The following IMPG2 variants were observed in gnomAD, a reference collection of about 807,000 sequenced individuals.
IMPG2 encodes the protein interphotoreceptor matrix proteoglycan 2.
In IMPG2, 91 loss-of-function variants were observed where a neutral mutation model predicts 129.2. The ratio of observed to expected loss-of-function variants is 0.70; its 90% CI spans 0.59 to 0.84. The LOEUF is 0.84. Among genes scored for constraint, IMPG2 ranks in the 40% least tolerant of loss-of-function variants. The pLI, the probability that IMPG2 is intolerant of heterozygous loss-of-function variation, is 0.00. For synonymous variants in IMPG2, 510 were observed against 517.7 expected (o/e 0.99, Z 0.20); for missense variants, 1,430 against 1,461.7 (o/e 0.98, Z 0.35).
rs1706624651 is a variant in IMPG2 at position 101,257,602 on chromosome 3, C to T, written c.1080G>A (p.Glu360=). The change falls in exon 10 of 19, where the codon GAG becomes GAA. Residue 360 remains glutamate (E), a synonymous_variant. Coordinates refer to ENST00000193391, the MANE Select transcript of IMPG2 (RefSeq NM_016247.4). The part of the protein sequence containing the change: ...TISNFRDYIA[E]TLQQNFLLGN... ...CCAGCAAAAAATTCTGCTGCAATGT[C>T]TCAGCAATATAATCTCTGAAGTTAC... 6.2e-7 allele frequency: 1 copy of T among 1,613,204 alleles called. No individual in the cohort carries two copies. The highest frequency in any genetic ancestry group is 8.5e-7 in the Non-Finnish European group (1 of 1,179,352).
At chr3:101,269,262 A>G (rs1194138957) in intron 8 of IMPG2, among the ~76,000 whole-genome samples, 1 of 152,198 alleles carries the variant, frequency 6.6e-6, no homozygotes, top group East Asian at 1.9e-4. Flanking sequence ...CAAGCTGGGG[A>G]CATGAATTCC....
At chr3:101,235,254 C>A (rs2107210463) in intron 14 of IMPG2, among the ~76,000 whole-genome samples, 1 of 152,264 alleles carries the variant, frequency 6.6e-6, no homozygotes, top group South Asian at 2.1e-4. Context: ...CCCCTGGGCC[C>A]TCTGAATAAA....
chr3:101,281,201 A>T (rs1361550479), intron 4 of IMPG2, among the ~76,000 whole-genome samples: 1 of 152,204 alleles, frequency 6.6e-6, no homozygotes, highest in African/African-American at 2.4e-5. Context: ...GTAACCGTAA[A>T]ACCAGATGGC....
intron 4 of IMPG2, among the ~76,000 whole-genome samples, chr3:101,291,030 C>T (rs558353248): frequency 6.6e-6 from 1 of 152,284 alleles, no homozygotes; most frequent in African/African-American, 2.4e-5. Flanking sequence ...CCACAGTGAA[C>T]AGAGTCAAGA....
At position 101,244,794 on chromosome 3, in the gene IMPG2, A is replaced by G; in HGVS notation, c.1544-7T>C. The G allele has an allele frequency of 6.2e-7, 1 of 1,612,356 alleles. No individual in the cohort carries two copies. The highest frequency in any genetic ancestry group is 8.5e-7 in the Non-Finnish European group (1 of 1,178,750). ...TCTTCAACATTGGCTAATCCTAAAA[A>G]TAAAGTTTTCCATTAATTAATCTAC... On this transcript the variant is annotated splice_polypyrimidine_tract_variant and splice_region_variant and intron_variant, in intron 12 of 18. Coordinates refer to ENST00000193391, the MANE Select transcript of IMPG2 (RefSeq NM_016247.4).
intron 3 of IMPG2, among the ~76,000 whole-genome samples, chr3:101,295,177 T>C (rs890599764): frequency 6.6e-5 from 10 of 152,252 alleles, no homozygotes; most frequent in African/African-American, 2.2e-4. Context: ...TGAATGGTAT[T>C]GCCTAGGTTT....
intron 2 of IMPG2, among the ~76,000 whole-genome samples, chr3:101,313,238 G>C (rs1010251456): frequency 1.3e-5 from 2 of 152,080 alleles, no homozygotes; most frequent in Non-Finnish European, 2.9e-5. Flanking sequence ...ATTCAGAATG[G>C]TTACATGTTC....
chr3:101,231,218 T>A, intron 15 of IMPG2, 73 bp from the exon 16 acceptor site: 1 of 1,397,000 alleles, frequency 7.2e-7, no homozygotes, highest in Non-Finnish European at 1.0e-6. Context: ...CAGAACCTTC[T>A]GAGGGACTAG....
Position 101,320,440 on chromosome 3 carries a change from T to A in IMPG2, c.-68A>T. On this transcript the variant is annotated 5_prime_UTR_variant, in exon 1 of 19. Coordinates refer to ENST00000193391, the MANE Select transcript of IMPG2 (RefSeq NM_016247.4). ...ATTGAGTGTCCAAATCCTTGAAACT[T>A]CCAATAACAAAGAGTTATAGGAAAG... is the stretch of plus-strand genomic sequence containing the variant. 1.0e-6 allele frequency: 1 copy of A among 957,434 alleles called. No homozygotes were observed. The highest frequency in any genetic ancestry group is 2.5e-5 in the East Asian group (1 of 40,650). 59.3% of individuals were successfully genotyped at this position (957,434 alleles called of 1,614,324 possible).
rs771012784 is a variant in IMPG2 at position 101,242,724 on chromosome 3, A to G, written c.2986T>C (p.Leu996=). 11 of 1,613,822 alleles carry G rather than the reference A, an allele frequency of 6.8e-6. No individual in the cohort carries two copies. The highest frequency in any genetic ancestry group is 9.3e-6 in the Non-Finnish European group (11 of 1,179,844). The change falls in exon 14 of 19, where the codon TTG becomes CTG. Residue 996 remains leucine, a synonymous_variant. Transcript: ENST00000193391. ...FCTTAYNTMN[L]AIDKYSLDVE... is the part of the protein sequence containing the mutation. ...TCAAGAGAGTATTTATCAATAGCCAAGTTCATGGTATTGTAGGCAGTGGTA... is the reference window on the plus strand; with the variant it reads ...TCAAGAGAGTATTTATCAATAGCCAGGTTCATGGTATTGTAGGCAGTGGTA...
intron 17 of IMPG2, 46 bp from the exon 18 acceptor site, chr3:101,228,922 C>T (rs1247675403): frequency 7.4e-7 from 1 of 1,356,820 alleles, no homozygotes; most frequent in Non-Finnish European, 1.1e-6. Flanking sequence ...ATTAGAAAAA[C>T]CTCAACAGCC....
intron 11 of IMPG2, among the ~76,000 whole-genome samples, chr3:101,248,033 C>T (rs1227416996): frequency 6.6e-6 from 1 of 152,140 alleles, no homozygotes; most frequent in Non-Finnish European, 1.5e-5. Flanking sequence ...CAAAAGCACA[C>T]AATTTTAGGG....
chr3:101,227,025 G>A (rs952902053), intron 18 of IMPG2, 44 bp from the exon 19 acceptor site: 4 of 1,604,978 alleles, frequency 2.5e-6, no homozygotes, highest in Non-Finnish European at 3.4e-6. Flanking sequence ...AAAAAAGCAA[G>A]AATGTAATAA....
intron 10 of IMPG2, among the ~76,000 whole-genome samples, chr3:101,254,270 T>C (rs1450757757): frequency 6.6e-6 from 1 of 152,066 alleles, no homozygotes; most frequent in Non-Finnish European, 1.5e-5. Flanking sequence ...AAGAGCAACA[T>C]AGAGAGTAGA....
chr3:101,299,223 G>C (rs1306339309), intron 3 of IMPG2, among the ~76,000 whole-genome samples: 1 of 152,146 alleles, frequency 6.6e-6, no homozygotes, highest in Non-Finnish European at 1.5e-5. Context: ...TTCTCATGCT[G>C]TGTTTTTGAG....
chr3:101,292,873 A>T (rs896550873), intron 3 of IMPG2, among the ~76,000 whole-genome samples: 18 of 152,226 alleles, frequency 1.2e-4, no homozygotes, highest in Admixed American at 5.2e-4. Flanking sequence ...ATCTGAAGGA[A>T]CAACTTTCTT....
Position 101,306,949 on chromosome 3 carries a change from G to A in IMPG2, c.335-2637C>T, listed in dbSNP as rs151148436. ...AGATACTGTTAATAAAAATGAGTAG[G>A]CAAACCACATATCTGGCAGAAAATA... On this transcript the variant is annotated intron_variant, in intron 2 of 18. Transcript: ENST00000193391. 2.3e-3 allele frequency among the ~76,000 whole-genome samples: 347 copies of A among 152,116 alleles called. 4 individuals are homozygous for A. The highest frequency in any genetic ancestry group is 0.017 in the Middle Eastern group (5 of 294).
intron 9 of IMPG2, among the ~76,000 whole-genome samples, chr3:101,258,563 GCTCT>G (rs1706637762): frequency 6.6e-6 from 1 of 151,928 alleles, no homozygotes; most frequent in Non-Finnish European, 1.5e-5. Flanking sequence ...CTAGAAACAA[GCTCT>G]CTCTCTCTCT....
At chr3:101,250,577 C>T (rs1265205695) in intron 11 of IMPG2, among the ~76,000 whole-genome samples, 1 of 152,166 alleles carries the variant, frequency 6.6e-6, no homozygotes, top group Non-Finnish European at 1.5e-5. Context: ...AAAAAACAGA[C>T]TGGAAGCAGC....
Sources: allele counts gnomAD v4.1 joint callset (sites outside exome capture counted in the v4.1 genomes callset), GRCh38; gene constraint gnomAD v4.1.1; transcripts MANE v1.5; gene names NCBI Gene and HGNC (gene_info 2026-07-23, HGNC 2026-07-21).